KLHL1: variants seen among roughly 807,000 people sequenced by gnomAD.
KLHL1 encodes kelch like family member 1, also known as kelch-like protein 1.
Under a neutral mutation model 77.7 loss-of-function variants are expected in KLHL1, and 47 were observed. That is an observed-to-expected ratio of 0.60 (90% CI 0.48 to 0.77). KLHL1 has a LOEUF of 0.77. Ranked by LOEUF, KLHL1 falls within the 30% of genes least tolerant of loss-of-function variation. The probability of loss-of-function intolerance (pLI) is 0.00; values close to 1 mark genes in which losing one functional copy is unlikely to be tolerated. For missense variants in KLHL1, 925 were observed against 910.8 expected, an observed-to-expected ratio of 1.02 and a Z score of -0.20; for synonymous variants, 360 against 325.2, an observed-to-expected ratio of 1.11 and a Z score of -1.15.
At chr13:69,708,040 T>C (rs993652013) in intron 9 of KLHL1, among the ~76,000 whole-genome samples, 1 of 151,950 alleles carries the variant, frequency 6.6e-6, no homozygotes, top group Non-Finnish European at 1.5e-5. Context: ...ACAAAAATAA[T>C]GTCATGATGT....
At chr13:70,000,433 GA>G (rs1189558395) in intron 1 of KLHL1, among the ~76,000 whole-genome samples, 2 of 151,386 alleles carry the variant, frequency 1.3e-5, no homozygotes, top group African/African-American at 4.8e-5. Flanking sequence ...AATAAAACAA[GA>G]AAAAAAGCGT....
In KLHL1 at chr13:69,908,556, T is replaced by A. The variant is rs535046088; in HGVS notation, c.1015-26061A>T. On this transcript the variant is annotated intron_variant, in intron 4 of 10. Transcript: ENST00000377844. The stretch of plus-strand genomic sequence containing the variant: ...TGAAGAGAAAACGTAAAAACCACTT[T>A]CACTAAAATATAAAAGATTCATTTA... Among the ~76,000 whole-genome samples, 461 of 149,594 alleles carry A rather than the reference T, an allele frequency of 3.1e-3. 1 individual carries two copies. The highest frequency in any genetic ancestry group is 0.014 in the Middle Eastern group (4 of 290).
In KLHL1 at chr13:70,107,786, G is replaced by T; in HGVS notation, c.-87C>A. ...GGGGAGGACAGCGGGGCCCGGGGGC[G>T]GAGGAAGAGGCGGGATGCGCCCTCT... is the stretch of plus-strand genomic sequence containing the variant. On this transcript the variant is annotated 5_prime_UTR_variant, in exon 1 of 11. Coordinates refer to ENST00000377844, the MANE Select transcript of KLHL1 (RefSeq NM_020866.3). The T allele has an allele frequency of 9.6e-7, 1 of 1,041,510 alleles. No homozygotes were observed. The highest frequency in any genetic ancestry group is 1.3e-6 in the Non-Finnish European group (1 of 741,010). The allele number at this position is 1,041,510 out of a possible 1,614,324, so 64.5% of individuals were successfully genotyped here. A position where few individuals can be genotyped will look rare whatever the true frequency, so the allele number is the denominator to read the frequency against.
chr13:69,817,073 T>C (rs1435944388), intron 6 of KLHL1, among the ~76,000 whole-genome samples: 2 of 152,130 alleles, frequency 1.3e-5, no homozygotes, highest in African/African-American at 4.8e-5. Flanking sequence ...AAATGCTTAC[T>C]GAACATAAAC....
chr13:69,805,216 C>A (rs1877566341), intron 6 of KLHL1, among the ~76,000 whole-genome samples: 1 of 151,726 alleles, frequency 6.6e-6, no homozygotes, highest in Non-Finnish European at 1.5e-5. Flanking sequence ...CCATATCAAT[C>A]CCTGATAAAA....
At chr13:69,939,676 A>G (rs1404517751) in intron 4 of KLHL1, among the ~76,000 whole-genome samples, 1 of 152,108 alleles carries the variant, frequency 6.6e-6, no homozygotes. Context: ...TCCTGAATGC[A>G]ACACGTGGAG....
chr13:69,732,981 AG>A (rs1357646060), intron 8 of KLHL1, among the ~76,000 whole-genome samples: 2 of 152,056 alleles, frequency 1.3e-5, no homozygotes, highest in Admixed American at 6.6e-5. Flanking sequence ...CTCCACCCCC[AG>A]GAGAGGTAGC....
At chr13:69,911,015 T>C (rs921444104) in intron 4 of KLHL1, among the ~76,000 whole-genome samples, 1 of 152,004 alleles carries the variant, frequency 6.6e-6, no homozygotes, top group African/African-American at 2.4e-5. Flanking sequence ...ACTTTGAGAG[T>C]AAAATACTTC....
chr13:69,738,129 A>G (rs544140797), intron 8 of KLHL1, among the ~76,000 whole-genome samples: 1 of 152,244 alleles, frequency 6.6e-6, no homozygotes, highest in Admixed American at 6.5e-5. Context: ...GTGGACTCCC[A>G]CCAAACTGCA....
intron 7 of KLHL1, among the ~76,000 whole-genome samples, chr13:69,770,862 C>T (rs534132147): frequency 5.1e-4 from 77 of 152,278 alleles, no homozygotes; most frequent in African/African-American, 1.8e-3. Flanking sequence ...AATTCTGCCT[C>T]AGCCTCCCAA....
At chr13:69,756,464 A>G (rs1232473071) in intron 7 of KLHL1, among the ~76,000 whole-genome samples, 1 of 152,156 alleles carries the variant, frequency 6.6e-6, no homozygotes. Context: ...TGCAGAAACT[A>G]CTTTTTTGTT....
At chr13:69,957,312 C>G (rs1046774628) in intron 3 of KLHL1, among the ~76,000 whole-genome samples, 1 of 151,676 alleles carries the variant, frequency 6.6e-6, no homozygotes, top group Non-Finnish European at 1.5e-5. Flanking sequence ...GCATTATGCC[C>G]TGCTCCACAT....
intron 7 of KLHL1, among the ~76,000 whole-genome samples, chr13:69,761,380 A>T (rs1240302357): frequency 6.6e-6 from 1 of 152,184 alleles, no homozygotes; most frequent in African/African-American, 2.4e-5. Context: ...ATACAAAAAT[A>T]GGCTACAGCC....
rs542561073 is a variant in KLHL1 at position 69,852,287 on chromosome 13, G to T, written c.1228-13125C>A. On this transcript the variant is annotated intron_variant, in intron 5 of 10. Transcript: ENST00000377844. ...ACGTCTGTAAAAAGCATCTGGAACT[G>T]TAAGAAATGTTGAGAATTCTTCCCT... Among the ~76,000 whole-genome samples, 7 of 152,028 alleles carry T rather than the reference G, an allele frequency of 4.6e-5. No homozygotes were observed. The South Asian group carries it at 1.5e-3, about 32-fold the overall frequency.
intron 7 of KLHL1, among the ~76,000 whole-genome samples, chr13:69,767,322 G>A (rs890289961): frequency 6.6e-6 from 1 of 152,108 alleles, no homozygotes; most frequent in African/African-American, 2.4e-5. Flanking sequence ...ACCTAAGTTT[G>A]TTATACAGAA....
chr13:69,872,832 C>T (rs993590988), intron 5 of KLHL1, among the ~76,000 whole-genome samples: 5 of 152,134 alleles, frequency 3.3e-5, no homozygotes, highest in Non-Finnish European at 7.4e-5. Context: ...GGAACTCACT[C>T]ATTACCATAG....
At chr13:69,841,380 T>C (rs575978567) in intron 5 of KLHL1, among the ~76,000 whole-genome samples, 5 of 151,650 alleles carry the variant, frequency 3.3e-5, no homozygotes, top group African/African-American at 1.2e-4. Context: ...GAAATCAATA[T>C]ACAAAAGTCA....
intron 3 of KLHL1, among the ~76,000 whole-genome samples, chr13:69,944,201 A>T (rs974095625): frequency 6.6e-6 from 1 of 152,126 alleles, no homozygotes; most frequent in African/African-American, 2.4e-5. Flanking sequence ...GGAGTCTGAA[A>T]TTTTGTTCTG....
chr13:70,092,569 A>G (rs1887694349), intron 1 of KLHL1, among the ~76,000 whole-genome samples: 1 of 152,178 alleles, frequency 6.6e-6, no homozygotes, highest in Non-Finnish European at 1.5e-5. Context: ...TTAATTAATG[A>G]AAAATAGCAC....
Sources: gnomAD v4.1 joint callset for allele counts (sites outside exome capture counted in the v4.1 genomes callset) on GRCh38, gnomAD v4.1.1 for gene constraint, MANE v1.5 for transcripts, NCBI Gene and HGNC (gene_info 2026-07-23, HGNC 2026-07-21) for gene names.